The following CDH3 variants were observed in gnomAD, a reference collection of about 807,000 sequenced individuals.
The protein encoded by CDH3 is cadherin 3, also known as cadherin-3.
In CDH3, 54 loss-of-function variants were observed where a neutral mutation model predicts 82.0. The observed-to-expected ratio is 0.66, with a 90% CI of 0.53 to 0.83. CDH3 has a LOEUF of 0.83. Ranked by LOEUF, CDH3 falls within the 40% of genes least tolerant of loss-of-function variation. CDH3 has a pLI of 0.00. For synonymous variants in CDH3, 446 were observed against 437.9 expected (o/e 1.02, Z -0.23); for missense variants, 1,054 against 1,084.6 (o/e 0.97, Z 0.40).
Position 68,681,006 on chromosome 16 carries a change from C to T in CDH3, c.906C>T (p.Asp302=). 6.2e-7 allele frequency: 1 copy of T among 1,614,116 alleles called. No homozygotes were observed. The highest frequency in any genetic ancestry group is 1.1e-5 in the South Asian group (1 of 91,082). ...PEYTLTIQAT[D]MDGDGSTTTA... is the part of the protein sequence containing the mutation. ...ACACACTGACCATCCAGGCCACAGA[C>T]ATGGATGGGGACGGCTCCACCACCA... Residue 302 remains aspartate (D), a synonymous_variant, in exon 8 of 16, where the codon GAC becomes GAT. Transcript: ENST00000264012.
At chr16:68,678,077 T>A in intron 3 of CDH3, 57 bp from the exon 4 acceptor site, 2 of 1,498,222 alleles carry the variant, frequency 1.3e-6, no homozygotes, top group Non-Finnish European at 1.9e-6. Context: ...GGTGAGAGGA[T>A]GTTGAGCATG....
intron 1 of CDH3, among the ~76,000 whole-genome samples, chr16:68,708,102 C>T (rs1567462285): frequency 6.6e-6 from 1 of 152,024 alleles, no homozygotes; most frequent in Non-Finnish European, 1.5e-5. Context: ...CCGAGGCGGG[C>T]CGGTCACTTG....
chr16:68,685,099 C>A, intron 10 of CDH3, 106 bp from the exon 11 acceptor site: 1 of 1,364,118 alleles, frequency 7.3e-7, no homozygotes, highest in Non-Finnish European at 1.0e-6. Flanking sequence ...TATGATCCTG[C>A]TTAGGAGCCC....
chr16:68,682,742 A>C (rs1227338097), intron 9 of CDH3, among the ~76,000 whole-genome samples: 1 of 152,180 alleles, frequency 6.6e-6, no homozygotes, highest in Non-Finnish European at 1.5e-5. Context: ...CCCAGACCAC[A>C]GTGTCCAATG....
At chr16:68,647,581 G>A (rs1045523667) in intron 2 of CDH3, among the ~76,000 whole-genome samples, 4 of 152,168 alleles carry the variant, frequency 2.6e-5, no homozygotes, top group Non-Finnish European at 1.5e-5. Flanking sequence ...GGGTTAATGC[G>A]CTCGGCGCAC....
rs114624386 is a variant in CDH3, at chr16:68,699,389, C to T, written c.*989C>T. ...TCTGGAACAGCGGCTGCCCTCCCTG[C>T]AGGACAGTGTGTGACGACTTCCTCT... On this transcript the variant is annotated 3_prime_UTR_variant, in exon 16 of 16. Coordinates refer to ENST00000264012, the MANE Select transcript of CDH3 (RefSeq NM_001793.6). The T allele has an allele frequency of 0.014, 2,071 of 152,554 alleles. 40 individuals carry two copies. The highest frequency in any genetic ancestry group is 0.039 in the African/African-American group (1,633 of 41,534). The allele number at this position is 152,554 out of a possible 1,614,324, so 9.5% of individuals were successfully genotyped here. A position where few individuals can be genotyped will look rare whatever the true frequency, so the allele number is the denominator to read the frequency against.
chr16:68,706,704 C>T (rs1961969432), intron 1 of CDH3, among the ~76,000 whole-genome samples: 1 of 151,984 alleles, frequency 6.6e-6, no homozygotes, highest in African/African-American at 2.4e-5. Context: ...AGGTGCACAA[C>T]ACCACACCCA....
At position 68,698,386 on chromosome 16, in the gene CDH3, G is replaced by C. The variant is rs561914735; in HGVS notation, c.2476G>C (p.Gly826Arg). The C allele has an allele frequency of 6.2e-6, 10 of 1,614,004 alleles. No homozygotes were observed. The East Asian group carries it at 2.2e-4, about 36-fold the overall frequency. Reference sequence around the variant, plus strand: ...GAAGCTGGCAGACATGTACGGTGGCGGGGAGGACGACTAGGCGGCCTGCCT... The same window carrying C: ...GAAGCTGGCAGACATGTACGGTGGCCGGGAGGACGACTAGGCGGCCTGCCT... ...FKKLADMYGG[G>R]EDD Residue 826 changes from glycine to arginine, a missense_variant, in exon 16 of 16, where the codon GGG (glycine) becomes CGG (arginine). Transcript: ENST00000264012.
At chr16:68,679,681 T>A (rs1466974359) in intron 6 of CDH3, 118 bp from the exon 7 acceptor site, 10 of 640,728 alleles carry the variant, frequency 1.6e-5, no homozygotes, top group African/African-American at 2.7e-5. Flanking sequence ...GGTGATAGAG[T>A]GAGACTTCAT....
chr16:68,648,049 T>C (rs1456712574), intron 2 of CDH3, among the ~76,000 whole-genome samples: 1 of 152,216 alleles, frequency 6.6e-6, no homozygotes, highest in African/African-American at 2.4e-5. Flanking sequence ...CTGAGCTTGC[T>C]TTATCCTCCT....
At position 68,668,353 on chromosome 16, in the gene CDH3, G is replaced by A. The variant is rs1383369715; in HGVS notation, c.161-8032G>A. ...GGAACAGGAGTCAGTTTACTTCGCT[G>A]ACTATTAAAAGATGGGGTAAAGGAG... On this transcript the variant is annotated intron_variant, in intron 2 of 15. Coordinates refer to ENST00000264012, the MANE Select transcript of CDH3 (RefSeq NM_001793.6). Among the ~76,000 whole-genome samples, 3 of 152,262 alleles carry A rather than the reference G, an allele frequency of 2.0e-5. No individual in the cohort carries two copies. The East Asian group carries it at 5.8e-4, about 29-fold the overall frequency.
downstream of CDH3, among the ~76,000 whole-genome samples, chr16:68,731,045 A>ATACATATAT (rs1396395240): frequency 1.7e-3 from 30 of 17,262 alleles, no homozygotes; most frequent in African/African-American, 4.3e-3. Context: ...AAAAAAAAAA[A>ATACATATAT]AAATATATAT....
chr16:68,673,473 CT>C (rs35264410), intron 2 of CDH3, among the ~76,000 whole-genome samples: 29,962 of 146,504 alleles, frequency 0.2, 3,501 homozygotes, highest in Admixed American at 0.27. Context: ...TGGTCAATTC[CT>C]TTTTTTTTTT....
chr16:68,645,462 C>T (rs1238006417), intron 1 of CDH3, 38 bp downstream of exon 1: 2 of 1,608,194 alleles, frequency 1.2e-6, no homozygotes, highest in Admixed American at 3.3e-5. Context: ...ACCGGGACCG[C>T]TCCCTGGGGG....
downstream of CDH3, among the ~76,000 whole-genome samples, chr16:68,701,745 G>T (rs1961898227): frequency 6.6e-6 from 1 of 151,798 alleles, no homozygotes; most frequent in African/African-American, 2.4e-5. Flanking sequence ...ATATTTTTGG[G>T]CCGGGCGCGG....
chr16:68,709,963 C>T (rs1394612558), intron 1 of CDH3, among the ~76,000 whole-genome samples: 3 of 152,364 alleles, frequency 2.0e-5, no homozygotes, highest in African/African-American at 7.2e-5. Flanking sequence ...GGGATGGCCA[C>T]AATGGCCTCT....
intron 2 of CDH3, among the ~76,000 whole-genome samples, chr16:68,660,803 CAA>C (rs1258788471): frequency 6.6e-6 from 1 of 151,908 alleles, no homozygotes; most frequent in Non-Finnish European, 1.5e-5. Flanking sequence ...CTAAAAAACA[CAA>C]AAAATTAGCC....
chr16:68,691,629 G>A (rs1198104274), intron 12 of CDH3, 91 bp from the exon 13 acceptor site: 1 of 972,754 alleles, frequency 1.0e-6, no homozygotes, highest in African/African-American at 1.6e-5. Flanking sequence ...TTGCCCACAT[G>A]TGGAAGCCGT....
chr16:68,689,396 C>T (rs576847627), intron 12 of CDH3, among the ~76,000 whole-genome samples: 22 of 152,144 alleles, frequency 1.4e-4, no homozygotes, highest in African/African-American at 4.6e-4. Context: ...ATTAGCCAGG[C>T]GTGGTAGCAC....
Sources: gnomAD v4.1 joint callset for allele counts (sites outside exome capture counted in the v4.1 genomes callset) on GRCh38, gnomAD v4.1.1 for gene constraint, MANE v1.5 for transcripts, NCBI Gene and HGNC (gene_info 2026-07-23, HGNC 2026-07-21) for gene names.